The following CTNNA2 variants were observed in gnomAD, a reference collection of about 807,000 sequenced individuals.
The protein encoded by CTNNA2 is catenin alpha 2.
Under a neutral mutation model 101.0 loss-of-function variants are expected in CTNNA2, and 42 were observed. The ratio of observed to expected loss-of-function variants is 0.42; its 90% CI spans 0.32 to 0.54. CTNNA2 has a LOEUF of 0.54. Among genes scored for constraint, CTNNA2 ranks in the 20% least tolerant of loss-of-function variants. CTNNA2 has a pLI of 0.14. For missense variants in CTNNA2, 871 were observed against 1,223.1 expected, an observed-to-expected ratio of 0.71 and a Z score of 4.29; for synonymous variants, 450 against 456.4, an observed-to-expected ratio of 0.99 and a Z score of 0.18.
At chr2:80,379,855 T>C (rs1676328053) in intron 7 of CTNNA2, among the ~76,000 whole-genome samples, 2 of 152,166 alleles carry the variant, frequency 1.3e-5, no homozygotes, top group African/African-American at 4.8e-5. Context: ...AACTATCTCC[T>C]ATTAACAGTT....
chr2:79,729,417 G>A (rs908078421), intron 2 of CTNNA2, among the ~76,000 whole-genome samples: 2 of 152,098 alleles, frequency 1.3e-5, no homozygotes, highest in African/African-American at 4.8e-5. Context: ...TAAGAAATGG[G>A]AAGTTCCAAA....
In CTNNA2 at chr2:79,436,857, T is replaced by G. The variant is rs568006996; in HGVS notation, c.-135+62844T>G. Among the ~76,000 whole-genome samples the G allele has an allele frequency of 2.0e-4, 31 of 152,092 alleles. 2 individuals carry two copies. Among genetic ancestry groups the G allele is most frequent in the African/African-American group, 7.5e-4 (31 of 41,548 alleles). On this transcript the variant is annotated intron_variant, in intron 4 of 21. Transcript: ENST00000466387. The stretch of plus-strand genomic sequence containing the variant: ...CGTTTTAGCCAGGATGGTTTCAATC[T>G]CCTGACCTTGTGATCCACCCTCCTC...
chr2:79,593,446 G>A (rs74429369), intron 1 of CTNNA2, among the ~76,000 whole-genome samples: 1 of 152,088 alleles, frequency 6.6e-6, no homozygotes, highest in Non-Finnish European at 1.5e-5. Context: ...TTACATTTCC[G>A]GTGTAGTATC....
At chr2:80,340,583 C>T (rs544864840) in intron 7 of CTNNA2, among the ~76,000 whole-genome samples, 1 of 152,248 alleles carries the variant, frequency 6.6e-6, no homozygotes, top group African/African-American at 2.4e-5. Context: ...TGACATACAG[C>T]CCTTTAGCCA....
intron 7 of CTNNA2, among the ~76,000 whole-genome samples, chr2:80,083,000 A>C (rs1382799867): frequency 1.3e-5 from 2 of 152,120 alleles, no homozygotes; most frequent in Non-Finnish European, 2.9e-5. Context: ...AAGCAGGGGT[A>C]TAGCTTCTTG....
At chr2:79,735,931 T>G (rs1347256781) in intron 2 of CTNNA2, among the ~76,000 whole-genome samples, 1 of 152,230 alleles carries the variant, frequency 6.6e-6, no homozygotes, top group Non-Finnish European at 1.5e-5. Flanking sequence ...GATCATTGTT[T>G]CTGACTTTTG....
At chr2:79,192,470 T>C (rs1386173913) in intron 1 of CTNNA2, among the ~76,000 whole-genome samples, 1 of 152,130 alleles carries the variant, frequency 6.6e-6, no homozygotes, top group African/African-American at 2.4e-5. Flanking sequence ...TCAACTAACA[T>C]GGAAAAGTCA....
chr2:79,712,379 G>T (rs188115271), intron 2 of CTNNA2, among the ~76,000 whole-genome samples: 1 of 152,162 alleles, frequency 6.6e-6, no homozygotes, highest in Non-Finnish European at 1.5e-5. Flanking sequence ...TTGGGCTGAG[G>T]CTTATGTAAT....
At chr2:79,191,451 T>C (rs948942733) in intron 1 of CTNNA2, among the ~76,000 whole-genome samples, 1 of 152,154 alleles carries the variant, frequency 6.6e-6, no homozygotes, top group African/African-American at 2.4e-5. Flanking sequence ...TAATCTTATG[T>C]CATACAGAAC....
intron 3 of CTNNA2, among the ~76,000 whole-genome samples, chr2:79,746,008 A>G (rs1203133191): frequency 2.0e-5 from 3 of 152,138 alleles, no homozygotes; most frequent in Admixed American, 1.3e-4. Flanking sequence ...CACCATTTCC[A>G]TAGTAGTGCA....
intron 7 of CTNNA2, among the ~76,000 whole-genome samples, chr2:80,044,981 C>T (rs1574625763): frequency 6.6e-6 from 1 of 152,236 alleles, no homozygotes; most frequent in African/African-American, 2.4e-5. Flanking sequence ...TTGAGCTGGG[C>T]ACCCAAGATG....
chr2:80,560,712 C>G (rs113139946), intron 12 of CTNNA2, among the ~76,000 whole-genome samples: 2 of 152,224 alleles, frequency 1.3e-5, no homozygotes, highest in East Asian at 3.9e-4. Context: ...TATTGAGATT[C>G]ACCTTTAAAA....
intron 7 of CTNNA2, among the ~76,000 whole-genome samples, chr2:80,256,764 G>A (rs1012904542): frequency 2.6e-4 from 39 of 152,084 alleles, no homozygotes; most frequent in Admixed American, 7.2e-4. Context: ...TCAAAATTTC[G>A]CTGAAGCCAG....
chr2:79,832,991 C>T (rs775521645), intron 3 of CTNNA2, among the ~76,000 whole-genome samples: 7 of 152,096 alleles, frequency 4.6e-5, no homozygotes, highest in Non-Finnish European at 1.0e-4. Context: ...TAAATATTAG[C>T]CAACAGTAAA....
At chr2:79,528,666 A>G (rs1461516050) in intron 1 of CTNNA2, among the ~76,000 whole-genome samples, 1 of 152,160 alleles carries the variant, frequency 6.6e-6, no homozygotes, top group Non-Finnish European at 1.5e-5. Flanking sequence ...ATATTAAATC[A>G]TGTATTTTTT....
chr2:79,981,098 A>G (rs540982212), intron 7 of CTNNA2, among the ~76,000 whole-genome samples: 1 of 152,284 alleles, frequency 6.6e-6, no homozygotes, highest in South Asian at 2.1e-4. Flanking sequence ...TCAAAATGAT[A>G]CATTCGCTTC....
At chr2:79,913,612 ATATTCATGAGAG>A (rs1223655916) in intron 7 of CTNNA2, among the ~76,000 whole-genome samples, 4 of 152,216 alleles carry the variant, frequency 2.6e-5, no homozygotes, top group Non-Finnish European at 2.9e-5. Flanking sequence ...GCGTCCCGTA[ATATTCATGAGAG>A]GATGGTCTCT....
intron 7 of CTNNA2, among the ~76,000 whole-genome samples, chr2:79,937,859 A>C (rs180947168): frequency 2.1e-3 from 318 of 152,344 alleles, no homozygotes; most frequent in Non-Finnish European, 2.1e-3. Flanking sequence ...TATTTAAAAT[A>C]GTCTTTGAGA....
At chr2:80,102,289 C>A (rs1700593416) in intron 7 of CTNNA2, among the ~76,000 whole-genome samples, 2 of 152,156 alleles carry the variant, frequency 1.3e-5, no homozygotes, top group South Asian at 2.1e-4. Context: ...ACAGTAGCCT[C>A]CAGAAGGAGA....
Sources: gnomAD v4.1 joint callset for allele counts (sites outside exome capture counted in the v4.1 genomes callset) on GRCh38, gnomAD v4.1.1 for gene constraint, MANE v1.5 for transcripts, NCBI Gene and HGNC (gene_info 2026-07-23, HGNC 2026-07-21) for gene names.